Variants in SATB2 observed in about 807,000 individuals in gnomAD.
SATB2 encodes the protein DNA-binding protein SATB2.
SATB2 carries 1 observed loss-of-function variant against 73.4 expected under a neutral mutation model. The observed-to-expected ratio is 0.01, with a 90% CI of 0.00 to 0.06. The LOEUF (loss-of-function observed/expected upper bound fraction) is 0.06. Ranked by LOEUF, SATB2 falls within the 10% of genes least tolerant of loss-of-function variation. The pLI is 1.00. For missense variants in SATB2, 459 were observed against 945.8 expected, an observed-to-expected ratio of 0.49 and a Z score of 6.75; for synonymous variants, 397 against 367.0, an observed-to-expected ratio of 1.08 and a Z score of -0.93.
At chr2:199,461,389 C>A (rs1202673308), upstream of SATB2, among the ~76,000 whole-genome samples, 1 of 152,148 alleles carries the variant, frequency 6.6e-6, no homozygotes, top group Non-Finnish European at 1.5e-5. Flanking sequence ...TTGTTTAAAA[C>A]AGTAAATGAA....
chr2:199,424,994 A>G (rs927757162), intron 3 of SATB2, among the ~76,000 whole-genome samples: 5 of 152,204 alleles, frequency 3.3e-5, no homozygotes, highest in Admixed American at 6.5e-5. Context: ...CATCTTCTTA[A>G]ACCACAAACA....
upstream of SATB2, among the ~76,000 whole-genome samples, chr2:199,465,498 T>C (rs1692576356): frequency 6.6e-6 from 1 of 152,260 alleles, no homozygotes; most frequent in South Asian, 2.1e-4. Context: ...AACGTTGTAA[T>C]TTTTGTTCTG....
At chr2:199,311,939 G>C (rs1342003399) in intron 9 of SATB2, among the ~76,000 whole-genome samples, 2 of 152,076 alleles carry the variant, frequency 1.3e-5, no homozygotes, top group Admixed American at 1.3e-4. Flanking sequence ...GTATGTAATT[G>C]TGAGTGACCC....
At chr2:199,449,615 G>A (rs1000164074) in intron 2 of SATB2, among the ~76,000 whole-genome samples, 3 of 152,136 alleles carry the variant, frequency 2.0e-5, no homozygotes, top group Non-Finnish European at 4.4e-5. Context: ...AACTCTGTAA[G>A]TCCTCAACTG....
intron 3 of SATB2, among the ~76,000 whole-genome samples, chr2:199,406,249 A>G (rs1357017085): frequency 6.6e-6 from 1 of 152,200 alleles, no homozygotes; most frequent in East Asian, 1.9e-4. Context: ...CTTACCATAG[A>G]TAAAAACCAG....
At position 199,272,331 on chromosome 2, in the gene SATB2, C is replaced by G. The variant is rs768215123; in HGVS notation, c.2082G>C (p.Leu694=). 7 of 1,614,222 alleles carry G rather than the reference C, an allele frequency of 4.3e-6. No individual in the cohort carries two copies. Among genetic ancestry groups the G allele is most frequent in the Non-Finnish European group, 4.2e-6 (5 of 1,180,038 alleles). ...VDVAEYKDEE[L]LTESEENDSE... ...TGTCGTTCTCCTCTGACTCGGTCAG[C>G]AGCTCCTCGTCCTTATATTCAGCCA... is the stretch of plus-strand genomic sequence containing the variant. The change falls in exon 11 of 11, where the codon CTG becomes CTC. Residue 694 remains leucine (L), a synonymous_variant. Coordinates refer to ENST00000417098, the MANE Select transcript of SATB2 (RefSeq NM_001172509.2). This position sits in a 1 kb window ranked among gnomAD's most constrained non-coding sequence, Gnocchi z 6.7.
intron 3 of SATB2, among the ~76,000 whole-genome samples, chr2:199,431,193 T>G (rs1691491345): frequency 6.6e-6 from 1 of 152,236 alleles, no homozygotes; most frequent in African/African-American, 2.4e-5. Context: ...TTCTATCTTT[T>G]TCACACGCTG....
intron 3 of SATB2, among the ~76,000 whole-genome samples, chr2:199,421,084 G>T (rs1199582047): frequency 6.6e-6 from 1 of 152,110 alleles, no homozygotes; most frequent in Non-Finnish European, 1.5e-5. Context: ...GCCTCAGTAT[G>T]AGCCGCATGA....
intron 3 of SATB2, 113 bp from the exon 4 acceptor site, chr2:199,381,933 GAT>G: frequency 8.2e-7 from 1 of 1,216,216 alleles, no homozygotes; most frequent in Non-Finnish European, 1.2e-6. Context: ...GGCCCACTCA[GAT>G]ATTTTACAAC....
At chr2:199,340,969 G>C in intron 7 of SATB2, among the ~76,000 whole-genome samples, 1 of 87,772 alleles carries the variant, frequency 1.1e-5, no homozygotes, top group East Asian at 2.3e-4. Flanking sequence ...TTAGAGAATA[G>C]TTTATCTATT....
intron 7 of SATB2, among the ~76,000 whole-genome samples, chr2:199,330,462 G>C (rs1477573277): frequency 6.6e-6 from 1 of 152,174 alleles, no homozygotes; most frequent in Non-Finnish European, 1.5e-5. Context: ...TCTTTTGTGT[G>C]CGTCTGTGTC....
At chr2:199,363,345 G>A (rs573360249) in intron 6 of SATB2, among the ~76,000 whole-genome samples, 13 of 152,302 alleles carry the variant, frequency 8.5e-5, no homozygotes, top group Non-Finnish European at 1.6e-4. Context: ...TATTTGTGAC[G>A]ACATGAGTAG....
intron 5 of SATB2, among the ~76,000 whole-genome samples, chr2:199,370,509 A>T (rs1258654068): frequency 6.6e-6 from 1 of 152,186 alleles, no homozygotes; most frequent in Non-Finnish European, 1.5e-5. Context: ...CAGGATACAC[A>T]GCCATGGCAG....
chr2:199,326,827 A>C (rs1688041602), intron 8 of SATB2, among the ~76,000 whole-genome samples: 1 of 152,150 alleles, frequency 6.6e-6, no homozygotes, highest in Non-Finnish European at 1.5e-5. Context: ...CAGTCAAGAG[A>C]CTTATTTTTG....
At chr2:199,286,790 C>T (rs939178772) in intron 10 of SATB2, among the ~76,000 whole-genome samples, 9 of 152,176 alleles carry the variant, frequency 5.9e-5, no homozygotes, top group East Asian at 3.9e-4. Context: ...CTGGTTAAAA[C>T]GAATAAAGAG....
chr2:199,359,580 A>T (rs1366070446), intron 6 of SATB2, among the ~76,000 whole-genome samples: 1 of 152,212 alleles, frequency 6.6e-6, no homozygotes, highest in Non-Finnish European at 1.5e-5. Context: ...AACTGTTCTA[A>T]ATGCATATAT....
At chr2:199,452,876 A>G (rs1295160500) in intron 2 of SATB2, among the ~76,000 whole-genome samples, 1 of 152,142 alleles carries the variant, frequency 6.6e-6, no homozygotes, top group Non-Finnish European at 1.5e-5. Flanking sequence ...AGATAAGAGT[A>G]AAAACATCCC....
chr2:199,438,423 A>G (rs1290865004), intron 2 of SATB2, among the ~76,000 whole-genome samples: 6 of 152,222 alleles, frequency 3.9e-5, no homozygotes, highest in Non-Finnish European at 5.9e-5. Context: ...TCCTGAAGAC[A>G]GAAGCACTCT....
chr2:199,408,386 A>C (rs1242541542), intron 3 of SATB2, among the ~76,000 whole-genome samples: 1 of 152,186 alleles, frequency 6.6e-6, no homozygotes, highest in African/African-American at 2.4e-5. Context: ...AAAACAAGAC[A>C]AACTATTACA....
Sources: allele counts gnomAD v4.1 joint callset (sites outside exome capture counted in the v4.1 genomes callset), GRCh38; gene constraint gnomAD v4.1.1; non-coding constraint Gnocchi (gnomAD v3.1); transcripts MANE v1.5; gene names NCBI Gene and HGNC (gene_info 2026-07-23, HGNC 2026-07-21).